The following FER variants were observed in gnomAD, a reference collection of about 807,000 sequenced individuals.
The protein encoded by FER is tyrosine-protein kinase Fer.
In FER, 63 loss-of-function variants were observed where a neutral mutation model predicts 111.0. The observed-to-expected ratio is 0.57, with a 90% CI of 0.46 to 0.70. The LOEUF is 0.70. Among genes scored for constraint, FER ranks in the 30% least tolerant of loss-of-function variants. The pLI, the probability that FER is intolerant of heterozygous loss-of-function variation, is 0.00. For synonymous variants in FER, 327 were observed against 313.9 expected, an observed-to-expected ratio of 1.04 and a Z score of -0.44; for missense variants, 914 against 954.0, an observed-to-expected ratio of 0.96 and a Z score of 0.55.
chr5:108,938,674 G>A (rs186636504), intron 10 of FER, among the ~76,000 whole-genome samples: 3 of 152,110 alleles, frequency 2.0e-5, no homozygotes, highest in Admixed American at 2.0e-4. Flanking sequence ...GAAGATGATT[G>A]ATTGGGAGAA....
rs1052793697 is a variant in FER, at chr5:109,191,524, C to A, written c.*3949C>A. 1.3e-5 allele frequency: 2 copies of A among 152,066 alleles called. No homozygotes were observed. The highest frequency in any genetic ancestry group is 2.9e-5 in the Non-Finnish European group (2 of 67,984). The allele number at this position is 152,066 out of a possible 1,614,324, so 9.4% of individuals were successfully genotyped here. A position where few individuals can be genotyped will look rare whatever the true frequency, so the allele number is the denominator to read the frequency against. ...AGCCACACCCTCCCACAAAACAGAA[C>A]AGTGCAAAATAAGCAGCAGAGAGAC... On this transcript the variant is annotated 3_prime_UTR_variant, in exon 20 of 20. Transcript: ENST00000281092.
At chr5:109,022,654 G>A (rs1485776604) in intron 13 of FER, among the ~76,000 whole-genome samples, 1 of 152,088 alleles carries the variant, frequency 6.6e-6, no homozygotes. Flanking sequence ...GGTCACTTTA[G>A]TTAGGATGAT....
chr5:108,898,552 C>CTCCCT (rs1279200968), intron 10 of FER, among the ~76,000 whole-genome samples: 2 of 130,300 alleles, frequency 1.5e-5, no homozygotes, highest in African/African-American at 5.7e-5. Flanking sequence ...CCTCCCCTTC[C>CTCCCT]TCCCTTCCCT....
At chr5:108,778,217 G>C (rs1381782904) in intron 2 of FER, among the ~76,000 whole-genome samples, 1 of 152,074 alleles carries the variant, frequency 6.6e-6, no homozygotes, top group Non-Finnish European at 1.5e-5. Flanking sequence ...CATCTTGGTT[G>C]CTTCCAAGTT....
intron 17 of FER, among the ~76,000 whole-genome samples, chr5:109,154,186 A>G (rs1466980997): frequency 6.6e-6 from 1 of 151,954 alleles, no homozygotes; most frequent in Non-Finnish European, 1.5e-5. Context: ...ATGTTTTGAC[A>G]TTATACTTCT....
At chr5:108,777,186 T>G (rs1226826060) in intron 2 of FER, among the ~76,000 whole-genome samples, 1 of 152,192 alleles carries the variant, frequency 6.6e-6, no homozygotes, top group Non-Finnish European at 1.5e-5. Flanking sequence ...AAATTGTACT[T>G]TGTCAGATAT....
At chr5:109,167,840 T>G (rs985413134) in intron 17 of FER, among the ~76,000 whole-genome samples, 26 of 152,176 alleles carry the variant, frequency 1.7e-4, no homozygotes, top group Non-Finnish European at 3.1e-4. Flanking sequence ...AGCAGGGTAG[T>G]CAAACCTAGT....
At chr5:108,828,226 A>G (rs1402665663) in intron 3 of FER, among the ~76,000 whole-genome samples, 1 of 152,176 alleles carries the variant, frequency 6.6e-6, no homozygotes, top group East Asian at 1.9e-4. Flanking sequence ...CTTTGTTAAA[A>G]TGGATAGTGT....
intron 10 of FER, among the ~76,000 whole-genome samples, chr5:108,916,818 G>A (rs537241887): frequency 1.8e-4 from 27 of 152,126 alleles, no homozygotes; most frequent in African/African-American, 2.9e-4. Context: ...ACTGAGATTC[G>A]TTTTTGTTCT....
intron 17 of FER, among the ~76,000 whole-genome samples, chr5:109,123,648 T>A (rs919543430): frequency 3.3e-5 from 5 of 152,146 alleles, no homozygotes; most frequent in Non-Finnish European, 7.4e-5. Flanking sequence ...ATAAACAAAC[T>A]AACAAGCAAA....
intron 3 of FER, chr5:108,819,961 C>T (rs1157481285): frequency 2.0e-6 from 2 of 984,784 alleles, no homozygotes; most frequent in African/African-American, 3.5e-5. Context: ...AAATATTGAG[C>T]TGATGGGGCC....
intron 16 of FER, among the ~76,000 whole-genome samples, chr5:109,061,082 A>T (rs1371200913): frequency 6.6e-6 from 1 of 152,068 alleles, no homozygotes; most frequent in Admixed American, 6.5e-5. Context: ...CCCTTTTACC[A>T]TCATTTGTGA....
At chr5:108,750,393 A>G (rs1422202063) in intron 1 of FER, among the ~76,000 whole-genome samples, 5 of 152,200 alleles carry the variant, frequency 3.3e-5, no homozygotes, top group Non-Finnish European at 7.4e-5. Flanking sequence ...AGCAGAGTGT[A>G]TCTTTTTGTA....
At chr5:109,162,725 A>G (rs1214703307) in intron 17 of FER, among the ~76,000 whole-genome samples, 1 of 152,192 alleles carries the variant, frequency 6.6e-6, no homozygotes, top group Non-Finnish European at 1.5e-5. Flanking sequence ...CAAGTTCTTT[A>G]TTAGTAACAC....
rs368211606 is a variant in FER, at chr5:109,159,764, T to A, written c.2049-20983T>A. ...AACATTTGAAGGTCAAAATTATGAA[T>A]GCAGAGGCACAGACTAGAGTCTGCG... is the stretch of plus-strand genomic sequence containing the variant. On this transcript the variant is annotated intron_variant, in intron 17 of 19. Transcript: ENST00000281092. Among the ~76,000 whole-genome samples the A allele has an allele frequency of 2.6e-5, 4 of 152,184 alleles. No individual in the cohort carries two copies. The East Asian group carries it at 7.7e-4, about 29-fold the overall frequency.
intron 8 of FER, among the ~76,000 whole-genome samples, chr5:108,878,533 C>T (rs889997208): frequency 1.8e-4 from 27 of 151,882 alleles, no homozygotes; most frequent in Admixed American, 1.3e-4. Context: ...TGTTTTACTA[C>T]TTGTATGTAA....
chr5:109,163,257 T>C (rs1272524023), intron 17 of FER, among the ~76,000 whole-genome samples: 1 of 152,160 alleles, frequency 6.6e-6, no homozygotes, highest in Non-Finnish European at 1.5e-5. Flanking sequence ...TTTCATTGTA[T>C]GAATATATTA....
At chr5:108,973,608 T>C (rs1055024662) in intron 13 of FER, among the ~76,000 whole-genome samples, 3 of 152,142 alleles carry the variant, frequency 2.0e-5, no homozygotes, top group Non-Finnish European at 4.4e-5. Flanking sequence ...TCCTTGAACG[T>C]TGATTGATAG....
At chr5:109,126,859 T>G (rs1179664545) in intron 17 of FER, among the ~76,000 whole-genome samples, 2 of 152,140 alleles carry the variant, frequency 1.3e-5, no homozygotes, top group Admixed American at 1.3e-4. Context: ...TATATGGAAG[T>G]ATAGGAAGTC....
Sources: gnomAD v4.1 joint callset for allele counts (sites outside exome capture counted in the v4.1 genomes callset) on GRCh38, gnomAD v4.1.1 for gene constraint, MANE v1.5 for transcripts, NCBI Gene and HGNC (gene_info 2026-07-23, HGNC 2026-07-21) for gene names.